Variants in UBN2 observed in about 807,000 individuals in gnomAD.
The protein encoded by UBN2 is ubinuclein-2.
A neutral mutation model predicts 120.2 loss-of-function variants in UBN2; 35 were observed. That is an observed-to-expected ratio of 0.29 (90% CI 0.22 to 0.39). The LOEUF (loss-of-function observed/expected upper bound fraction) is 0.39, where lower values mean the gene tolerates loss of function less well. Ranked by LOEUF, UBN2 falls within the 10% of genes least tolerant of loss-of-function variation. UBN2 has a pLI of 1.00. For missense variants in UBN2, 1,693 were observed against 1,663.2 expected (o/e 1.02, Z -0.31); for synonymous variants, 661 against 648.7 (o/e 1.02, Z -0.29).
chr7:139,268,953 A>G (rs919529668), intron 7 of UBN2, among the ~76,000 whole-genome samples: 5 of 152,288 alleles, frequency 3.3e-5, no homozygotes, highest in Middle Eastern at 3.4e-3. Flanking sequence ...CTGTAATCCC[A>G]CACTTTGGGA....
At chr7:139,240,827 A>G (rs1323762641) in intron 2 of UBN2, among the ~76,000 whole-genome samples, 2 of 152,210 alleles carry the variant, frequency 1.3e-5, no homozygotes, top group African/African-American at 4.8e-5. Flanking sequence ...TTTTTGGGAA[A>G]AGGTCAATAT....
Position 139,300,602 on chromosome 7 carries a change from C to T in UBN2, c.*2766C>T, listed in dbSNP as rs963154972. ...ATTGGAAAGGATATCTATAGAGCAA[C>T]GTGTATTTCTGAAGAGCATTAGCAA... On this transcript the variant is annotated 3_prime_UTR_variant, in exon 18 of 18. Coordinates refer to ENST00000473989, the MANE Select transcript of UBN2 (RefSeq NM_173569.4). The T allele has an allele frequency of 1.3e-5, 2 of 152,092 alleles. No homozygotes were observed. Among genetic ancestry groups the T allele is most frequent in the African/African-American group, 4.8e-5 (2 of 41,420 alleles). The allele number at this position is 152,092 out of a possible 1,614,324, so 9.4% of individuals were successfully genotyped here. A position where few individuals can be genotyped will look rare whatever the true frequency, so the allele number is the denominator to read the frequency against.
At chr7:139,277,899 C>T (rs973554162) in intron 12 of UBN2, among the ~76,000 whole-genome samples, 1 of 152,054 alleles carries the variant, frequency 6.6e-6, no homozygotes, top group Non-Finnish European at 1.5e-5. Context: ...AAATTAGGCA[C>T]AGTAAGAGAT....
At chr7:139,310,434 C>A (rs1242659695), downstream of UBN2, among the ~76,000 whole-genome samples, 1 of 152,214 alleles carries the variant, frequency 6.6e-6, no homozygotes, top group Admixed American at 6.5e-5. Flanking sequence ...CTATCAATTT[C>A]TCCAGTTATA....
In UBN2 at chr7:139,261,421, C is replaced by G. The variant is rs761338645; in HGVS notation, c.1075C>G (p.Pro359Ala). ...TLSTPSLNKP[P>A]CAAAALGNDV... is the part of the protein sequence containing the mutation. ...GTCAACCCCTTCTCTGAATAAACCC[C>G]CATGTGCTGCTGCAGCACTGGGGAA... is the stretch of plus-strand genomic sequence containing the variant. Residue 359 changes from proline (P) to alanine (A), a missense_variant, in exon 6 of 18, where the codon CCA becomes GCA. By Grantham distance (27) the Pro-to-Ala change is conservative (BLOSUM62 -1). Coordinates refer to ENST00000473989, the MANE Select transcript of UBN2 (RefSeq NM_173569.4). 1 of 1,614,222 alleles carries G rather than the reference C, an allele frequency of 6.2e-7. No homozygotes were observed. The highest frequency in any genetic ancestry group is 8.5e-7 in the Non-Finnish European group (1 of 1,180,040).
intron 5 of UBN2, among the ~76,000 whole-genome samples, chr7:139,260,563 A>G (rs755104038): frequency 1.2e-4 from 19 of 152,132 alleles, no homozygotes; most frequent in Non-Finnish European, 2.5e-4. Context: ...CGCTTGTGAG[A>G]GGCTGAATTT....
At chr7:139,293,511 A>G (rs1389402241) in intron 16 of UBN2, 48 bp downstream of exon 16, 3 of 1,494,466 alleles carry the variant, frequency 2.0e-6, no homozygotes, top group Non-Finnish European at 2.8e-6. Context: ...TTGACAGAAC[A>G]GGAAACCTCA....
chr7:139,285,152 TC>T, intron 15 of UBN2, among the ~76,000 whole-genome samples: 1 of 152,310 alleles, frequency 6.6e-6, no homozygotes, highest in East Asian at 1.9e-4. Context: ...GTTTTCCCGT[TC>T]GTGAATTTTT....
In UBN2 at chr7:139,284,487, T is replaced by C. The variant is rs1002396714; in HGVS notation, c.3582T>C (p.Ser1194=). The C allele has an allele frequency of 5.0e-6, 8 of 1,614,198 alleles. No individual in the cohort carries two copies. The highest frequency in any genetic ancestry group is 3.3e-5 in the Admixed American group (2 of 60,026). The change falls in exon 15 of 18, where the codon AGT becomes AGC. Residue 1194 remains serine, a synonymous_variant. Coordinates refer to ENST00000473989, the MANE Select transcript of UBN2 (RefSeq NM_173569.4). ...NRTSLSGGTG[S]GTQGATKPLS... ...CTAGTCTGTCTGGGGGAACAGGAAG[T>C]GGAACACAGGGTGCTACCAAACCAT...
At chr7:139,309,605 T>A (rs1427393397), downstream of UBN2, among the ~76,000 whole-genome samples, 3 of 152,236 alleles carry the variant, frequency 2.0e-5, no homozygotes, top group Non-Finnish European at 4.4e-5. Context: ...TTTCATGTAA[T>A]TCCAATTAAC....
In UBN2 at chr7:139,306,737, TG is replaced by T. The variant is rs1210837157; in HGVS notation, c.*8905del. The T allele has an allele frequency of 3.3e-5, 5 of 152,228 alleles. No homozygotes were observed. Among genetic ancestry groups the T allele is most frequent in the Admixed American group, 6.5e-5 (1 of 15,272 alleles). 9.4% of individuals were successfully genotyped at this position (152,228 alleles called of 1,614,324 possible). ...TGGTCTTTCAGAGAGTATGTAAATCTGGGGCTTGCCCTTGGATTTCACTTGT... is the reference window on the plus strand; with the variant it reads ...TGGTCTTTCAGAGAGTATGTAAATCTGGGCTTGCCCTTGGATTTCACTTGT... On this transcript the variant is annotated 3_prime_UTR_variant, in exon 18 of 18. Transcript: ENST00000473989.
At chr7:139,295,528 T>C (rs1798085249) in intron 17 of UBN2, among the ~76,000 whole-genome samples, 2 of 152,218 alleles carry the variant, frequency 1.3e-5, no homozygotes, top group Non-Finnish European at 2.9e-5. Context: ...TGTTCGCTCT[T>C]ACACGAACTA....
chr7:139,312,974 T>G (rs1222710512), downstream of UBN2, among the ~76,000 whole-genome samples: 2 of 152,184 alleles, frequency 1.3e-5, no homozygotes, highest in African/African-American at 4.8e-5. Flanking sequence ...GATCTATTTT[T>G]GGGCTCTGTT....
intron 15 of UBN2, among the ~76,000 whole-genome samples, chr7:139,285,672 T>G (rs2131044476): frequency 6.6e-6 from 1 of 152,242 alleles, no homozygotes; most frequent in Non-Finnish European, 1.5e-5. Context: ...AATATTTTAT[T>G]GTATTATGTG....
At chr7:139,289,567 A>G (rs1413843535) in intron 15 of UBN2, among the ~76,000 whole-genome samples, 1 of 151,780 alleles carries the variant, frequency 6.6e-6, no homozygotes, top group Non-Finnish European at 1.5e-5. Context: ...AGACGCCACC[A>G]TGCCCAGCTA....
chr7:139,298,107 G>A lies in UBN2; in HGVS notation c.*271G>A. The A allele has an allele frequency of 2.9e-6, 1 of 346,426 alleles. No individual in the cohort carries two copies. Among genetic ancestry groups the A allele is most frequent in the Non-Finnish European group, 5.2e-6 (1 of 192,196 alleles). 21.5% of individuals were successfully genotyped at this position (346,426 alleles called of 1,614,324 possible). A position where few individuals can be genotyped will look rare whatever the true frequency, so the allele number is the denominator to read the frequency against. On this transcript the variant is annotated 3_prime_UTR_variant, in exon 18 of 18. Transcript: ENST00000473989. ...TATTAACAGACTTGAAAGAGACTCA[G>A]TTGTCAAACCCACAGAAATACAAAT...
rs1168269310 is a variant in UBN2 at position 139,284,366 on chromosome 7, C to G, written c.3461C>G (p.Ser1154Cys). 4 of 1,614,078 alleles carry G rather than the reference C, an allele frequency of 2.5e-6. No homozygotes were observed. The African/African-American group carries it at 4.0e-5, about 16-fold the overall frequency. The change falls in exon 15 of 18, where the codon TCC becomes TGC. Residue 1154 changes from serine to cysteine, a missense_variant. Around this residue, in one of 5 missense-constraint regions of UBN2, gnomAD observed 837 missense variants for 817.6 expected, o/e 1.02. Transcript: ENST00000473989. The part of the protein sequence containing the change: ...QAPSKLTNSS[S>C]TGTVGKNSLS... ...CCCTCAAAGCTAACAAACTCATCAT[C>G]CACTGGAACTGTTGGGAAGAACAGC...
rs1459856536 is a variant in UBN2 at position 139,305,918 on chromosome 7, C to CT, written c.*8083dup. 1 of 152,162 alleles carries CT rather than the reference C, an allele frequency of 6.6e-6. No individual in the cohort carries two copies. Among genetic ancestry groups the CT allele is most frequent in the African/African-American group, 2.4e-5 (1 of 41,434 alleles). The allele number at this position is 152,162 out of a possible 1,614,324, so 9.4% of individuals were successfully genotyped here. ...TGCCTTGCTTATTTTCATACTCCCCCTGAAATAAGCCTACTTTTGCAAACA... is the reference window on the plus strand; with the variant it reads ...TGCCTTGCTTATTTTCATACTCCCCCTTGAAATAAGCCTACTTTTGCAAACA... On this transcript the variant is annotated 3_prime_UTR_variant, in exon 18 of 18. Coordinates refer to ENST00000473989, the MANE Select transcript of UBN2 (RefSeq NM_173569.4).
At chr7:139,242,002 C>T (rs10452928) in intron 2 of UBN2, among the ~76,000 whole-genome samples, 1 of 151,836 alleles carries the variant, frequency 6.6e-6, no homozygotes, top group Non-Finnish European at 1.5e-5. Flanking sequence ...CAGCTCCCCC[C>T]CCCAAAAAAA....
Sources: allele counts gnomAD v4.1 joint callset (sites outside exome capture counted in the v4.1 genomes callset), GRCh38; gene constraint gnomAD v4.1.1; regional missense constraint gnomAD v4.1.1; transcripts MANE v1.5; gene names NCBI Gene and HGNC (gene_info 2026-07-23, HGNC 2026-07-21).